Variants in PHYHIPL observed in about 807,000 individuals in gnomAD.
PHYHIPL encodes the protein phytanoyl-CoA hydroxylase-interacting protein-like.
A neutral mutation model predicts 33.4 loss-of-function variants in PHYHIPL; 9 were observed. The ratio of observed to expected loss-of-function variants is 0.27; its 90% CI spans 0.16 to 0.47. The LOEUF (loss-of-function observed/expected upper bound fraction) is 0.47. Ranked by LOEUF, PHYHIPL falls within the 20% of genes least tolerant of loss-of-function variation. The pLI, the probability that PHYHIPL is intolerant of heterozygous loss-of-function variation, is 0.99. For synonymous variants in PHYHIPL, 153 were observed against 154.1 expected (o/e 0.99, Z 0.05); for missense variants, 365 against 460.7 (o/e 0.79, Z 1.90).
intron 1 of PHYHIPL, among the ~76,000 whole-genome samples, chr10:59,184,295 G>C (rs1288510938): frequency 6.6e-6 from 1 of 152,178 alleles, no homozygotes; most frequent in Non-Finnish European, 1.5e-5. Flanking sequence ...CTGAGTAGCT[G>C]CAACAGACCA....
At chr10:59,196,100 C>G (rs893074615) in intron 1 of PHYHIPL, among the ~76,000 whole-genome samples, 1 of 151,998 alleles carries the variant, frequency 6.6e-6, no homozygotes, top group Admixed American at 6.6e-5. Flanking sequence ...CTGATGTACC[C>G]ATTCTTGTGT....
rs1476490708 is a variant in PHYHIPL at position 59,245,708 on chromosome 10, C to A, written c.*117C>A. 1 of 1,136,134 alleles carries A rather than the reference C, an allele frequency of 8.8e-7. No homozygotes were observed. The highest frequency in any genetic ancestry group is 1.2e-6 in the Non-Finnish European group (1 of 813,896). The allele number at this position is 1,136,134 out of a possible 1,614,324, so 70.4% of individuals were successfully genotyped here. On this transcript the variant is annotated 3_prime_UTR_variant, in exon 5 of 5. Transcript: ENST00000373880. Reference sequence around the variant, plus strand: ...TGAAGCATGCACATGCCACTGTCACCAAAACAAACAACTACCACTTTCCAA... The same window carrying A: ...TGAAGCATGCACATGCCACTGTCACAAAAACAAACAACTACCACTTTCCAA...
In PHYHIPL at chr10:59,180,334, A is replaced by G. The variant is rs1372028009; in HGVS notation, c.106+3375A>G. On this transcript the variant is annotated intron_variant, in intron 1 of 4. Coordinates refer to ENST00000373880, the MANE Select transcript of PHYHIPL (RefSeq NM_032439.4). ...AAAAAGTATATATATATATATATATATATATATATATATATATATATATAT... is the reference window on the plus strand; with the variant it reads ...AAAAAGTATATATATATATATATATGTATATATATATATATATATATATAT... Among the ~76,000 whole-genome samples, 14 of 75,628 alleles carry G rather than the reference A, an allele frequency of 1.9e-4. 1 individual carries two copies. The highest frequency in any genetic ancestry group is 9.6e-4 in the East Asian group (1 of 1,040). 49.6% of individuals were successfully genotyped at this position (75,628 alleles called of 152,430 possible). A position where few individuals can be genotyped will look rare whatever the true frequency, so the allele number is the denominator to read the frequency against.
chr10:59,202,727 T>C (rs892886764), intron 1 of PHYHIPL, among the ~76,000 whole-genome samples: 6 of 152,198 alleles, frequency 3.9e-5, no homozygotes, highest in Non-Finnish European at 7.4e-5. Context: ...TGTGGGATTA[T>C]TGAGGTTAAA....
At chr10:59,211,841 T>A (rs1839457090) in intron 1 of PHYHIPL, among the ~76,000 whole-genome samples, 1 of 152,142 alleles carries the variant, frequency 6.6e-6, no homozygotes, top group Non-Finnish European at 1.5e-5. Context: ...AATTCATTTC[T>A]TAAAGTGAAA....
chr10:59,203,457 C>A (rs1254283749), intron 1 of PHYHIPL, among the ~76,000 whole-genome samples: 2 of 152,126 alleles, frequency 1.3e-5, no homozygotes, highest in African/African-American at 4.8e-5. Context: ...ACTTTAAAGA[C>A]ACACGCACAC....
chr10:59,201,100 C>A (rs1026823435), intron 1 of PHYHIPL, among the ~76,000 whole-genome samples: 1 of 152,158 alleles, frequency 6.6e-6, no homozygotes, highest in African/African-American at 2.4e-5. Context: ...CTTCTGCTAG[C>A]TTTTGAATGT....
chr10:59,216,777 A>G (rs142216157), intron 1 of PHYHIPL, among the ~76,000 whole-genome samples: 117 of 152,216 alleles, frequency 7.7e-4, no homozygotes, highest in African/African-American at 2.5e-3. Context: ...CTTGGTTATG[A>G]AGGGAAGCAA....
chr10:59,201,611 A>G (rs1015217953), intron 1 of PHYHIPL, among the ~76,000 whole-genome samples: 4 of 151,870 alleles, frequency 2.6e-5, no homozygotes, highest in African/African-American at 9.7e-5. Context: ...TCTCTTCAAT[A>G]TTTGCTTTCT....
chr10:59,190,268 G>A (rs1275445306), intron 1 of PHYHIPL, among the ~76,000 whole-genome samples: 1 of 151,904 alleles, frequency 6.6e-6, no homozygotes, highest in African/African-American at 2.4e-5. Flanking sequence ...ATACAAATAA[G>A]TGGTGGCAAA....
At chr10:59,198,973 T>C (rs1158455479) in intron 1 of PHYHIPL, among the ~76,000 whole-genome samples, 2 of 152,196 alleles carry the variant, frequency 1.3e-5, no homozygotes, top group Non-Finnish European at 2.9e-5. Context: ...GTCAGATGAG[T>C]AGATTGCGAA....
intron 1 of PHYHIPL, among the ~76,000 whole-genome samples, chr10:59,196,989 T>C (rs1010301048): frequency 6.6e-6 from 1 of 152,232 alleles, no homozygotes; most frequent in African/African-American, 2.4e-5. Flanking sequence ...CAGTTCAAGA[T>C]AATTTTTAGT....
chr10:59,188,635 T>A (rs967250461), intron 1 of PHYHIPL, among the ~76,000 whole-genome samples: 5 of 152,240 alleles, frequency 3.3e-5, no homozygotes, highest in African/African-American at 4.8e-5. Context: ...ACTTGCTTTA[T>A]GAATCTGGAT....
intron 1 of PHYHIPL, chr10:59,177,313 G>T (rs1838280587): frequency 1.4e-6 from 1 of 698,236 alleles, no homozygotes; most frequent in Non-Finnish European, 2.3e-6. Flanking sequence ...TCTGGGCACT[G>T]AAGGGGAAAT....
chr10:59,246,854 C>T lies in PHYHIPL; in HGVS notation c.*1263C>T. ...TATGGACACATTAGATTATATACTA[C>T]AGACACATATCTATCCAAAATACCT... On this transcript the variant is annotated 3_prime_UTR_variant, in exon 5 of 5. Coordinates refer to ENST00000373880, the MANE Select transcript of PHYHIPL (RefSeq NM_032439.4). 6 of 379,762 alleles carry T rather than the reference C, an allele frequency of 1.6e-5. No homozygotes were observed. Among genetic ancestry groups the T allele is most frequent in the African/African-American group, 6.2e-5 (3 of 48,312 alleles). The allele number at this position is 379,762 out of a possible 1,614,324, so 23.5% of individuals were successfully genotyped here. A position where few individuals can be genotyped will look rare whatever the true frequency, so the allele number is the denominator to read the frequency against.
At chr10:59,173,857 C>T (rs1236119858), upstream of PHYHIPL, among the ~76,000 whole-genome samples, 2 of 142,102 alleles carry the variant, frequency 1.4e-5, no homozygotes, top group Non-Finnish European at 3.0e-5. Flanking sequence ...TAGCTAGCCT[C>T]AGGGGAAAAT....
In PHYHIPL at chr10:59,247,767, A is replaced by G; in HGVS notation, c.*2176A>G. On this transcript the variant is annotated 3_prime_UTR_variant, in exon 5 of 5. Transcript: ENST00000373880. ...AAAACAAAAATACATTTGTTAGTTC[A>G]CAATGAATCAAGTCATTATTTAAAC... 1 of 1,599,078 alleles carries G rather than the reference A, an allele frequency of 6.3e-7. No homozygotes were observed. The highest frequency in any genetic ancestry group is 1.1e-5 in the South Asian group (1 of 89,248).
At chr10:59,180,448 G>A (rs886836156) in intron 1 of PHYHIPL, among the ~76,000 whole-genome samples, 2 of 149,006 alleles carry the variant, frequency 1.3e-5, no homozygotes, top group South Asian at 4.2e-4. Context: ...TTATAGTAAG[G>A]AAGAAAATAC....
At chr10:59,233,326 G>A (rs534980317) in intron 1 of PHYHIPL, among the ~76,000 whole-genome samples, 3 of 151,918 alleles carry the variant, frequency 2.0e-5, no homozygotes, top group African/African-American at 7.2e-5. Context: ...TTACCACAAG[G>A]TGAACATTCA....
Sources: gnomAD v4.1 joint callset for allele counts (sites outside exome capture counted in the v4.1 genomes callset) on GRCh38, gnomAD v4.1.1 for gene constraint, MANE v1.5 for transcripts, NCBI Gene and HGNC (gene_info 2026-07-23, HGNC 2026-07-21) for gene names.